The following SHISAL1 variants were observed in gnomAD, a reference collection of about 807,000 sequenced individuals.
SHISAL1 encodes protein shisa-like-1.
SHISAL1 carries 9 observed loss-of-function variants against 22.6 expected under a neutral mutation model. The observed-to-expected ratio is 0.40, with a 90% confidence interval of 0.24 to 0.70. The LOEUF (loss-of-function observed/expected upper bound fraction) is 0.70. Among genes scored for constraint, SHISAL1 ranks in the 30% least tolerant of loss-of-function variants. The probability of loss-of-function intolerance (pLI) is 0.39; values close to 1 mark genes in which losing one functional copy is unlikely to be tolerated. For missense variants in SHISAL1, 246 were observed against 270.6 expected, an observed-to-expected ratio of 0.91 and a Z score of 0.64; for synonymous variants, 119 against 115.4, an observed-to-expected ratio of 1.03 and a Z score of -0.20.
intron 1 of SHISAL1, among the ~76,000 whole-genome samples, chr22:44,304,339 T>G (rs1262913675): frequency 6.6e-6 from 1 of 152,246 alleles, no homozygotes; most frequent in Non-Finnish European, 1.5e-5. Context: ...GGCCCTGGCC[T>G]AGGCCCTGCT....
At chr22:44,260,385 G>T (rs992300832) in intron 4 of SHISAL1, among the ~76,000 whole-genome samples, 2 of 152,224 alleles carry the variant, frequency 1.3e-5, no homozygotes, top group Non-Finnish European at 2.9e-5. Flanking sequence ...ATGTGACATG[G>T]ACTCATTCTC....
intron 1 of SHISAL1, among the ~76,000 whole-genome samples, chr22:44,307,067 G>A (rs1335252745): frequency 6.6e-6 from 1 of 152,154 alleles, no homozygotes; most frequent in African/African-American, 2.4e-5. Context: ...AACATCCCCT[G>A]AGGGGCCCCA....
chr22:44,256,316 C>T (rs557852743), intron 4 of SHISAL1, among the ~76,000 whole-genome samples: 5 of 151,898 alleles, frequency 3.3e-5, no homozygotes, highest in Middle Eastern at 3.4e-3. Context: ...CTCAGGCCCT[C>T]GACTCACACT....
At chr22:44,260,973 C>T (rs1183288813) in intron 4 of SHISAL1, among the ~76,000 whole-genome samples, 2 of 151,324 alleles carry the variant, frequency 1.3e-5, no homozygotes, top group African/African-American at 2.4e-5. Flanking sequence ...CTGGTGGACC[C>T]GGGAGGGAAG....
chr22:44,324,992 C>T, the SHISAL1 span, among the ~76,000 whole-genome samples: 3,949 of 152,254 alleles, frequency 0.026, 170 homozygotes, highest in African/African-American at 0.091. Context: ...CCTGTAATCC[C>T]AGCACTTTGG....
At chr22:44,293,343 C>T (rs2055365765) in intron 3 of SHISAL1, among the ~76,000 whole-genome samples, 3 of 152,082 alleles carry the variant, frequency 2.0e-5, no homozygotes, top group Non-Finnish European at 4.4e-5. Flanking sequence ...CCCAGGGCAG[C>T]AGCTTAACTG....
chr22:44,325,767 A>C, the SHISAL1 span, among the ~76,000 whole-genome samples: 1 of 152,050 alleles, frequency 6.6e-6, no homozygotes, highest in African/African-American at 2.4e-5. Flanking sequence ...ATGTCCAGCC[A>C]GGTTGTCACA....
chr22:44,295,185 C>G (rs1483049458), intron 3 of SHISAL1, among the ~76,000 whole-genome samples: 1 of 151,814 alleles, frequency 6.6e-6, no homozygotes, highest in Non-Finnish European at 1.5e-5. Context: ...TAGTGTATAG[C>G]CAGAGCAAGT....
intron 3 of SHISAL1, among the ~76,000 whole-genome samples, chr22:44,288,479 TA>T (rs1027595954): frequency 6.7e-4 from 97 of 145,496 alleles, no homozygotes; most frequent in Non-Finnish European, 6.3e-4. Context: ...TACTAAAAAT[TA>T]AAAAAAAAAA....
the SHISAL1 span, among the ~76,000 whole-genome samples, chr22:44,326,556 T>G: frequency 3.3e-5 from 5 of 152,290 alleles, no homozygotes; most frequent in Admixed American, 3.3e-4. Flanking sequence ...GTTAAGAGCT[T>G]CCAGAACTTA....
At chr22:44,323,712 C>A in the SHISAL1 span, among the ~76,000 whole-genome samples, 2 of 152,280 alleles carry the variant, frequency 1.3e-5, no homozygotes, top group African/African-American at 4.8e-5. Context: ...TCATTCTCAG[C>A]AACCTGTCCA....
At chr22:44,287,772 C>T (rs544353825) in intron 3 of SHISAL1, among the ~76,000 whole-genome samples, 25 of 152,228 alleles carry the variant, frequency 1.6e-4, no homozygotes, top group African/African-American at 6.0e-4. Context: ...GCAGGTGTCC[C>T]CGGGGTAGAT....
the SHISAL1 span, among the ~76,000 whole-genome samples, chr22:44,326,125 G>T: frequency 2.0e-5 from 3 of 152,046 alleles, no homozygotes; most frequent in Non-Finnish European, 4.4e-5. Context: ...AAATCCAGCT[G>T]CACACGTACA....
chr22:44,246,846 G>GCTGT lies in SHISAL1; in HGVS notation c.*2835_*2838dup, dbSNP rs1312068243. 6.6e-6 allele frequency: 1 copy of GCTGT among 151,342 alleles called. No individual in the cohort carries two copies. The highest frequency in any genetic ancestry group is 1.5e-5 in the Non-Finnish European group (1 of 68,048). 9.4% of individuals were successfully genotyped at this position (151,342 alleles called of 1,614,324 possible). On this transcript the variant is annotated 3_prime_UTR_variant, in exon 5 of 5. Transcript: ENST00000381176. The stretch of plus-strand genomic sequence containing the variant: ...GACCTGCAGGAAGGAGGATGCCGTG[G>GCTGT]CTGTCTGCACCAGGTGTGCTGGGTC...
At chr22:44,282,105 G>A (rs58243803) in intron 4 of SHISAL1, among the ~76,000 whole-genome samples, 2,402 of 152,330 alleles carry the variant, frequency 0.016, 62 homozygotes, top group African/African-American at 0.055. Flanking sequence ...TGGCCTGGGG[G>A]CTGCCTCGGG....
chr22:44,331,595 C>T, the SHISAL1 span, among the ~76,000 whole-genome samples: 1 of 149,834 alleles, frequency 6.7e-6, no homozygotes, highest in Non-Finnish European at 1.5e-5. The surrounding 1 kb of genome is among the most constrained non-coding windows in gnomAD (Gnocchi z 5.2). Flanking sequence ...CCCCGCGATG[C>T]CCCTGCCGCC....
At chr22:44,291,750 C>T (rs2055353952) in intron 3 of SHISAL1, among the ~76,000 whole-genome samples, 4 of 152,260 alleles carry the variant, frequency 2.6e-5, no homozygotes, top group Middle Eastern at 3.4e-3. Flanking sequence ...CTCCCAGCCA[C>T]CTCCTCCAGA....
At chr22:44,328,226 C>T in the SHISAL1 span, among the ~76,000 whole-genome samples, 5 of 152,166 alleles carry the variant, frequency 3.3e-5, no homozygotes, top group African/African-American at 1.2e-4. Flanking sequence ...GTCCTAGGAA[C>T]TCTATATTGC....
At chr22:44,260,114 C>T (rs1422860466) in intron 4 of SHISAL1, among the ~76,000 whole-genome samples, 1 of 152,152 alleles carries the variant, frequency 6.6e-6, no homozygotes, top group African/African-American at 2.4e-5. Context: ...GTGGACCCTG[C>T]ACCTCCTCAC....
Sources: gnomAD v4.1 joint callset for allele counts (sites outside exome capture counted in the v4.1 genomes callset) on GRCh38, gnomAD v4.1.1 for gene constraint, Gnocchi (gnomAD v3.1) non-coding constraint, MANE v1.5 for transcripts, NCBI Gene and HGNC (gene_info 2026-07-23, HGNC 2026-07-21) for gene names.